FAM76A: variants seen among roughly 807,000 people sequenced by gnomAD.
FAM76A encodes the protein family with sequence similarity 76 member A.
A neutral mutation model predicts 46.2 loss-of-function variants in FAM76A; 32 were observed. The ratio of observed to expected loss-of-function variants is 0.69; its 90% CI spans 0.52 to 0.93. The LOEUF is 0.93. Ranked by LOEUF, FAM76A falls within the 40% of genes least tolerant of loss-of-function variation. FAM76A has a pLI of 0.00. For synonymous variants in FAM76A, 137 were observed against 127.0 expected (o/e 1.08, Z -0.53); for missense variants, 274 against 361.5 (o/e 0.76, Z 1.96).
At chr1:27,736,103 C>T (rs1474870018) in intron 4 of FAM76A, among the ~76,000 whole-genome samples, 1 of 151,988 alleles carries the variant, frequency 6.6e-6, no homozygotes, top group African/African-American at 2.4e-5. Context: ...GGATGGATCA[C>T]GAGGTCAGGA....
In FAM76A at chr1:27,736,191, G is replaced by A. The variant is rs539852377; in HGVS notation, c.354+2008G>A. Among the ~76,000 whole-genome samples, 22 of 152,096 alleles carry A rather than the reference G, an allele frequency of 1.4e-4. No homozygotes were observed. The East Asian group carries it at 1.5e-3, about 11-fold the overall frequency. ...AAAAAAATTAACCGGGCGTGGTGGC[G>A]CACACCTGTAATCCCAGCTACTTGG... is the stretch of plus-strand genomic sequence containing the variant. On this transcript the variant is annotated intron_variant, in intron 4 of 8. Transcript: ENST00000373954.
chr1:27,737,196 G>A (rs541954158), intron 4 of FAM76A, among the ~76,000 whole-genome samples: 3 of 152,088 alleles, frequency 2.0e-5, no homozygotes, highest in Admixed American at 6.6e-5. Flanking sequence ...TGATCTACCC[G>A]CCTCAGCCTC....
Position 27,732,614 on chromosome 1 carries a change from C to T in FAM76A, c.158C>T (p.Thr53Ile). The T allele has an allele frequency of 6.2e-7, 1 of 1,608,758 alleles. No homozygotes were observed. Among genetic ancestry groups the T allele is most frequent in the Non-Finnish European group, 8.5e-7 (1 of 1,176,128 alleles). The change falls in exon 3 of 9, where the codon ACA becomes ATA. Residue 53 changes from threonine (T) to isoleucine (I), a missense_variant. Transcript: ENST00000373954. ...TTCTTCCTTAACAGTAAAACCAATA[C>T]AATATGCAAGAAATGTGCTCAGAAC... Reference protein sequence around the residue: ...TEYQQESKTNTICKKCAQNVQ... With the variant: ...TEYQQESKTNIICKKCAQNVQ...
intron 4 of FAM76A, among the ~76,000 whole-genome samples, chr1:27,737,151 G>A (rs2088062340): frequency 6.6e-6 from 1 of 151,960 alleles, no homozygotes; most frequent in African/African-American, 2.4e-5. Flanking sequence ...GTTTCTCCAT[G>A]TTAGTCAGGC....
At chr1:27,738,790 G>A (rs1481355234) in intron 4 of FAM76A, among the ~76,000 whole-genome samples, 1 of 152,160 alleles carries the variant, frequency 6.6e-6, no homozygotes, top group Non-Finnish European at 1.5e-5. Flanking sequence ...ATGACAGAGA[G>A]TGACTGGGAA....
chr1:27,726,465 C>T (rs2087862312), intron 1 of FAM76A, among the ~76,000 whole-genome samples: 2 of 152,138 alleles, frequency 1.3e-5, no homozygotes, highest in African/African-American at 4.8e-5. Flanking sequence ...TTCGGGATCC[C>T]TTTGCGCTGC....
At position 27,741,021 on chromosome 1, in the gene FAM76A, A is replaced by G. The variant is rs147915321; in HGVS notation, c.355-3633A>G. Among the ~76,000 whole-genome samples, 1,004 of 151,168 alleles carry G rather than the reference A, an allele frequency of 6.6e-3. 8 individuals carry two copies. The highest frequency in any genetic ancestry group is 0.012 in the Non-Finnish European group (827 of 67,812). ...TGCCTATAATCCTATAATCCCAGCT[A>G]CTCGTGAGGCTGAGGCAGGAGAATT... On this transcript the variant is annotated intron_variant, in intron 4 of 8. Coordinates refer to ENST00000373954, the MANE Select transcript of FAM76A (RefSeq NM_152660.3).
At chr1:27,740,559 C>G (rs1372130552) in intron 4 of FAM76A, 25 of 1,102,146 alleles carry the variant, frequency 2.3e-5, no homozygotes, top group Non-Finnish European at 3.3e-5. Flanking sequence ...AGTGAGGACC[C>G]CAGATCTGTG....
intron 7 of FAM76A, among the ~76,000 whole-genome samples, chr1:27,756,488 G>A (rs889690045): frequency 3.3e-5 from 5 of 151,682 alleles, no homozygotes; most frequent in South Asian, 2.1e-4. Context: ...ATGGGGTTTC[G>A]CCATGTTGGA....
chr1:27,757,799 AC>A (rs2088438127), intron 7 of FAM76A, among the ~76,000 whole-genome samples: 1 of 152,074 alleles, frequency 6.6e-6, no homozygotes. Context: ...ACACGGTGAA[AC>A]CCTGTCTCTA....
intron 4 of FAM76A, among the ~76,000 whole-genome samples, chr1:27,742,146 G>A (rs545356223): frequency 1.3e-5 from 2 of 152,264 alleles, no homozygotes; most frequent in African/African-American, 4.8e-5. Context: ...AAATGATGAC[G>A]TGGCCTACCC....
At chr1:27,735,065 A>G (rs1320654362) in intron 4 of FAM76A, among the ~76,000 whole-genome samples, 2 of 152,144 alleles carry the variant, frequency 1.3e-5, no homozygotes, top group African/African-American at 4.8e-5. Context: ...CTTGCATCAT[A>G]CTTTCTACCT....
At chr1:27,735,318 T>C (rs1462153711) in intron 4 of FAM76A, among the ~76,000 whole-genome samples, 1 of 152,234 alleles carries the variant, frequency 6.6e-6, no homozygotes, top group African/African-American at 2.4e-5. Context: ...CGAAAACTAG[T>C]CTTGCTTATT....
intron 2 of FAM76A, among the ~76,000 whole-genome samples, chr1:27,731,691 A>G (rs888254016): frequency 6.6e-6 from 1 of 151,998 alleles, no homozygotes; most frequent in Non-Finnish European, 1.5e-5. Context: ...AATTAAGGAG[A>G]ATTTATTTTT....
chr1:27,755,760 A>C (rs906413300), intron 7 of FAM76A, among the ~76,000 whole-genome samples: 1 of 152,078 alleles, frequency 6.6e-6, no homozygotes, highest in Non-Finnish European at 1.5e-5. Flanking sequence ...TTTTTTGTAG[A>C]GACATGGTCT....
At chr1:27,738,794 CT>C (rs2088101454) in intron 4 of FAM76A, among the ~76,000 whole-genome samples, 1 of 152,042 alleles carries the variant, frequency 6.6e-6, no homozygotes, top group Non-Finnish European at 1.5e-5. Context: ...CAGAGAGTGA[CT>C]GGGAAGTCAG....
chr1:27,734,333 G>T (rs1456151463), intron 4 of FAM76A, 150 bp downstream of exon 4: 1 of 690,406 alleles, frequency 1.4e-6, no homozygotes, highest in East Asian at 3.5e-5. Context: ...GGATCATGAG[G>T]TCAGGAGATC....
In FAM76A at chr1:27,732,639, C is replaced by T. The variant is rs1203272324; in HGVS notation, c.183C>T (p.Asn61=). 6.2e-6 allele frequency: 10 copies of T among 1,609,180 alleles called. No homozygotes were observed. Among genetic ancestry groups the T allele is most frequent in the Non-Finnish European group, 8.5e-6 (10 of 1,176,264 alleles). The change falls in exon 3 of 9, where the codon AAC becomes AAT. Residue 61 remains asparagine (N), a synonymous_variant. Transcript: ENST00000373954. ...TNTICKKCAQ[N]VQLYGTPKPC... ...CAATATGCAAGAAATGTGCTCAGAA[C>T]GTGCAGTTGTATGGAACGGTAAGTA...
chr1:27,752,508 AAGC>A (rs1204805440), intron 6 of FAM76A, among the ~76,000 whole-genome samples: 9 of 152,348 alleles, frequency 5.9e-5, no homozygotes, highest in African/African-American at 2.2e-4. Context: ...GCAATCAAAA[AAGC>A]AGCCACAACA....
Sources: gnomAD v4.1 joint callset for allele counts (sites outside exome capture counted in the v4.1 genomes callset) on GRCh38, gnomAD v4.1.1 for gene constraint, MANE v1.5 for transcripts, NCBI Gene and HGNC (gene_info 2026-07-23, HGNC 2026-07-21) for gene names.